The following HECW2 variants were observed in gnomAD, a reference collection of about 807,000 sequenced individuals.
HECW2 encodes the protein E3 ubiquitin-protein ligase HECW2.
In HECW2, 61 loss-of-function variants were observed where a neutral mutation model predicts 175.2. The ratio of observed to expected loss-of-function variants is 0.35; its 90% CI spans 0.28 to 0.43. The LOEUF (loss-of-function observed/expected upper bound fraction) is 0.43, where lower values mean the gene tolerates loss of function less well. Ranked by LOEUF, HECW2 falls within the 20% of genes least tolerant of loss-of-function variation. The pLI is 1.00. For missense variants in HECW2, 1,524 were observed against 2,000.5 expected (o/e 0.76, Z 4.54); for synonymous variants, 671 against 731.0 (o/e 0.92, Z 1.32).
chr2:196,277,642 C>T (rs993493571), intron 15 of HECW2, among the ~76,000 whole-genome samples: 1 of 152,064 alleles, frequency 6.6e-6, no homozygotes, highest in Non-Finnish European at 1.5e-5. Context: ...ACCCAAAGGA[C>T]TATAAATCAT....
intron 3 of HECW2, among the ~76,000 whole-genome samples, chr2:196,336,384 A>G (rs945095893): frequency 5.3e-5 from 8 of 152,214 alleles, no homozygotes; most frequent in Non-Finnish European, 2.9e-5. Flanking sequence ...AAAGTGTGGT[A>G]ACATGCATGG....
Position 196,307,178 on chromosome 2 carries a change from C to T in HECW2, c.2641G>A (p.Ala881Thr). The stretch of plus-strand genomic sequence containing the variant: ...GCTTCCTCCCCTGCCCCATCAATAG[C>T]ATTGGTATTTTCCTCAGGCCTCTCA... ...TNERPEENTN[A>T]IDGAGEEADF... The change falls in exon 12 of 29, where the codon GCT becomes ACT. Residue 881 changes from alanine (A) to threonine (T), a missense_variant. Physicochemically the swap from Ala to Thr is moderately conservative, Grantham distance 58. Around this residue, in one of 11 missense-constraint regions of HECW2, gnomAD observed 105 missense variants for 98.1 expected, o/e 1.07. Coordinates refer to ENST00000644978, the MANE Select transcript of HECW2 (RefSeq NM_001348768.2). 3 of 1,614,038 alleles carry T rather than the reference C, an allele frequency of 1.9e-6. No homozygotes were observed. The highest frequency in any genetic ancestry group is 2.5e-6 in the Non-Finnish European group (3 of 1,179,916).
intron 4 of HECW2, among the ~76,000 whole-genome samples, chr2:196,330,331 T>C (rs916564563): frequency 1.3e-5 from 2 of 152,200 alleles, no homozygotes; most frequent in Non-Finnish European, 2.9e-5. Flanking sequence ...TAATGCACAA[T>C]TTGTGGTACA....
At chr2:196,429,395 T>C (rs548838466) in intron 2 of HECW2, among the ~76,000 whole-genome samples, 2 of 152,248 alleles carry the variant, frequency 1.3e-5, no homozygotes, top group East Asian at 3.9e-4. Flanking sequence ...TAGAAATCTA[T>C]TAGAAAATAC....
At chr2:196,406,424 C>G (rs1346722036) in intron 2 of HECW2, among the ~76,000 whole-genome samples, 1 of 152,168 alleles carries the variant, frequency 6.6e-6, no homozygotes, top group Non-Finnish European at 1.5e-5. Flanking sequence ...CTACTTTTAT[C>G]AACTTTTCTA....
chr2:196,329,240 C>G (rs191500358), intron 5 of HECW2, among the ~76,000 whole-genome samples: 1 of 152,124 alleles, frequency 6.6e-6, no homozygotes, highest in Admixed American at 6.5e-5. Flanking sequence ...CAAATTTTTT[C>G]TTTCTCTAGC....
chr2:196,317,614 C>G (rs550100345), intron 9 of HECW2, among the ~76,000 whole-genome samples: 2 of 152,082 alleles, frequency 1.3e-5, no homozygotes, highest in African/African-American at 4.8e-5. Flanking sequence ...TCATCCCTCA[C>G]CCATAACGGC....
intron 1 of HECW2, among the ~76,000 whole-genome samples, chr2:196,459,368 G>C (rs951373167): frequency 2.0e-5 from 3 of 152,154 alleles, no homozygotes; most frequent in Non-Finnish European, 4.4e-5. Flanking sequence ...GAAAAGTACA[G>C]GTTAGAGTAT....
At chr2:196,302,852 T>C (rs1030711100) in intron 13 of HECW2, among the ~76,000 whole-genome samples, 3 of 152,248 alleles carry the variant, frequency 2.0e-5, no homozygotes, top group African/African-American at 7.2e-5. Flanking sequence ...AATCATGTCA[T>C]CTGCAAACAA....
At chr2:196,522,361 G>A (rs574443293) in intron 1 of HECW2, among the ~76,000 whole-genome samples, 1 of 152,104 alleles carries the variant, frequency 6.6e-6, no homozygotes, top group Non-Finnish European at 1.5e-5. Flanking sequence ...TGAGTTCATT[G>A]TAGATTCTGG....
At chr2:196,292,790 G>A (rs969451712) in intron 13 of HECW2, 40 bp from the exon 14 acceptor site, 10 of 1,525,248 alleles carry the variant, frequency 6.6e-6, no homozygotes, top group Middle Eastern at 1.7e-4. Flanking sequence ...ACCCACTTGT[G>A]ACATGCAGAA....
chr2:196,412,359 C>A (rs1695137712), intron 2 of HECW2, among the ~76,000 whole-genome samples: 1 of 152,204 alleles, frequency 6.6e-6, no homozygotes, highest in African/African-American at 2.4e-5. Flanking sequence ...AAGGCCCACC[C>A]TAATGACATC....
intron 5 of HECW2, 23 bp downstream of exon 5, chr2:196,329,552 G>A (rs1692279715): frequency 6.3e-7 from 1 of 1,593,816 alleles, no homozygotes; most frequent in Admixed American, 1.7e-5. Flanking sequence ...CAAACTGGAT[G>A]TCACGTTTAA....
At chr2:196,393,560 T>A (rs1694575481) in intron 2 of HECW2, among the ~76,000 whole-genome samples, 2 of 152,136 alleles carry the variant, frequency 1.3e-5, no homozygotes, top group South Asian at 4.1e-4. Context: ...AAAATGCTCA[T>A]CATCACTGGC....
intron 2 of HECW2, among the ~76,000 whole-genome samples, chr2:196,406,798 A>C (rs866171276): frequency 6.6e-6 from 1 of 152,314 alleles, no homozygotes; most frequent in Middle Eastern, 3.4e-3. Flanking sequence ...TGATGTTGGC[A>C]ATGCTTGTTC....
At position 196,240,530 on chromosome 2, in the gene HECW2, T is replaced by C. The variant is rs2105878957; in HGVS notation, c.3683A>G (p.Asp1228Gly). 1 of 1,611,142 alleles carries C rather than the reference T, an allele frequency of 6.2e-7. No homozygotes were observed. Among genetic ancestry groups the C allele is most frequent in the Non-Finnish European group, 8.5e-7 (1 of 1,179,106 alleles). The change falls in exon 21 of 29, where the codon GAT (aspartate) becomes GGT (glycine). Residue 1228 changes from aspartate to glycine, a missense_variant. Asp to Gly is a moderately conservative substitution (Grantham distance 94). Coordinates refer to ENST00000644978, the MANE Select transcript of HECW2 (RefSeq NM_001348768.2). The part of the protein sequence containing the change: ...LIIRRDHLLE[D>G]AFNQIMGYSR... ...GTAGCCCATAATCTGATTAAAAGCA[T>C]CTTCTAGTAAGTGATCTCTTCGGAT...
intron 15 of HECW2, among the ~76,000 whole-genome samples, chr2:196,276,625 T>C (rs1689966607): frequency 6.6e-6 from 1 of 152,178 alleles, no homozygotes; most frequent in Non-Finnish European, 1.5e-5. Context: ...GAGAGGTCTG[T>C]TCTGCTTTTA....
intron 24 of HECW2, among the ~76,000 whole-genome samples, chr2:196,221,647 C>A (rs530604606): frequency 6.6e-6 from 1 of 152,278 alleles, no homozygotes; most frequent in Non-Finnish European, 1.5e-5. Context: ...GCAGCCTCAA[C>A]CTCTCCAGCT....
At chr2:196,453,464 T>C (rs529195162) in intron 1 of HECW2, among the ~76,000 whole-genome samples, 1 of 152,282 alleles carries the variant, frequency 6.6e-6, no homozygotes, top group African/African-American at 2.4e-5. Context: ...TAGGAAGCTC[T>C]TCCTAACACT....
Sources: gnomAD v4.1 joint callset for allele counts (sites outside exome capture counted in the v4.1 genomes callset) on GRCh38, gnomAD v4.1.1 for gene constraint, gnomAD v4.1.1 regional missense constraint, MANE v1.5 for transcripts, NCBI Gene and HGNC (gene_info 2026-07-23, HGNC 2026-07-21) for gene names.